Variants in SEMA6A observed in about 807,000 individuals in gnomAD.
SEMA6A encodes the protein semaphorin 6A.
In SEMA6A, 25 loss-of-function variants were observed where a neutral mutation model predicts 96.8. The observed-to-expected ratio is 0.26, with a 90% CI of 0.19 to 0.36. The LOEUF (loss-of-function observed/expected upper bound fraction) is 0.36. Among genes scored for constraint, SEMA6A ranks in the 10% least tolerant of loss-of-function variants. SEMA6A has a pLI of 1.00. For missense variants in SEMA6A, 1,363 were observed against 1,323.1 expected (o/e 1.03, Z -0.47); for synonymous variants, 612 against 518.0 (o/e 1.18, Z -2.46).
intron 12 of SEMA6A, among the ~76,000 whole-genome samples, chr5:116,479,521 G>A (rs1756643088): frequency 6.6e-6 from 1 of 152,190 alleles, no homozygotes; most frequent in Non-Finnish European, 1.5e-5. Context: ...TTTGTTTGAT[G>A]GCTACCACAG....
intron 18 of SEMA6A, among the ~76,000 whole-genome samples, chr5:116,455,253 C>T (rs1453817772): frequency 1.3e-5 from 2 of 152,136 alleles, no homozygotes; most frequent in Admixed American, 6.5e-5. Flanking sequence ...AGCCAGAGCA[C>T]GGGCTGATGT....
intron 7 of SEMA6A, among the ~76,000 whole-genome samples, chr5:116,490,307 A>G (rs1757268988): frequency 6.6e-6 from 1 of 152,170 alleles, no homozygotes; most frequent in African/African-American, 2.4e-5. Context: ...GACATTCTTT[A>G]TATAAGACTA....
chr5:116,570,411 C>T (rs1580529809), intron 1 of SEMA6A, among the ~76,000 whole-genome samples: 1 of 152,172 alleles, frequency 6.6e-6, no homozygotes, highest in Admixed American at 6.5e-5. Context: ...TCAACATGCA[C>T]AAATGTGGCT....
At chr5:116,563,013 AACAAG>A (rs1361018538) in intron 1 of SEMA6A, 9 of 537,096 alleles carry the variant, frequency 1.7e-5, no homozygotes, top group Non-Finnish European at 3.2e-5. Context: ...GCCATCTGTG[AACAAG>A]ACAAGACTCC....
At chr5:116,449,103 CAGA>C (rs1396732476) in intron 18 of SEMA6A, among the ~76,000 whole-genome samples, 1 of 152,222 alleles carries the variant, frequency 6.6e-6, no homozygotes, top group Admixed American at 6.5e-5. Context: ...AATGCAAACA[CAGA>C]AGCTTTTATT....
Position 116,508,838 on chromosome 5 carries a change from C to T in SEMA6A, c.-38-3856G>A, listed in dbSNP as rs1161783439. ...GGAGGCCTTCCTTACCCATTAACCT[C>T]ACCTGCCTGCCCTTGAAGGTTCTGA... On this transcript the variant is annotated intron_variant, in intron 1 of 18. Coordinates refer to ENST00000343348, the MANE Select transcript of SEMA6A (RefSeq NM_020796.5). 2.6e-5 allele frequency among the ~76,000 whole-genome samples: 4 copies of T among 152,176 alleles called. No homozygotes were observed. The East Asian group carries it at 7.7e-4, about 29-fold the overall frequency.
intron 1 of SEMA6A, among the ~76,000 whole-genome samples, chr5:116,513,835 T>G (rs11748005): frequency 0.025 from 3,748 of 152,210 alleles, 61 homozygotes; most frequent in Middle Eastern, 0.041. Flanking sequence ...GTGTGTCCAT[T>G]TGTTCTCATC....
Position 116,478,598 on chromosome 5 carries a change from A to G in SEMA6A, c.1371T>C (p.Ser457=), listed in dbSNP as rs1174141174. 1.2e-6 allele frequency: 2 copies of G among 1,613,366 alleles called. No homozygotes were observed. Among genetic ancestry groups the G allele is most frequent in the Admixed American group, 3.3e-5 (2 of 59,926 alleles). The change falls in exon 13 of 19, where the codon AGT becomes AGC. Residue 457 remains serine (S), a synonymous_variant. Coordinates refer to ENST00000343348, the MANE Select transcript of SEMA6A (RefSeq NM_020796.5). ...GGAAAAGGCTGTCATTTAGAAAACC[A>G]CTATTTCCTATTCTGGCCAAAAACT... The part of the protein sequence containing the change: ...ILKFLARIGN[S]GFLNDSLFLE...
At position 116,488,820 on chromosome 5, in the gene SEMA6A, C is replaced by G. The variant is rs1757188661; in HGVS notation, c.655+68G>C. The G allele has an allele frequency of 3.4e-6, 5 of 1,474,192 alleles. No homozygotes were observed. In the African/African-American group the frequency reaches 5.6e-5, roughly 17 times the overall value. The allele number at this position is 1,474,192 out of a possible 1,614,324, so 91.3% of individuals were successfully genotyped here. A position where few individuals can be genotyped will look rare whatever the true frequency, so the allele number is the denominator to read the frequency against. On this transcript the variant is annotated intron_variant, in intron 8 of 18. Transcript: ENST00000343348. ...GAAGATACAGTCTGGTCCCTCCAGA[C>G]TCTAAATCTCCCACAAGATGTGTAT...
intron 16 of SEMA6A, among the ~76,000 whole-genome samples, chr5:116,474,148 G>A (rs1196247939): frequency 1.3e-5 from 2 of 149,704 alleles, no homozygotes; most frequent in Non-Finnish European, 3.0e-5. Flanking sequence ...CATGTTTCAC[G>A]TATTTTCTGA....
Position 116,478,172 on chromosome 5 carries a change from G to A in SEMA6A, c.1428-18C>T. On this transcript the variant is annotated intron_variant, in intron 13 of 18. Transcript: ENST00000343348. Reference sequence around the variant, plus strand: ...AGCTGCATCTAATTTCATCAGGCAAGATAATATCATTAATAGACTCTTCTC... The same window carrying A: ...AGCTGCATCTAATTTCATCAGGCAAAATAATATCATTAATAGACTCTTCTC... 6.2e-7 allele frequency: 1 copy of A among 1,613,214 alleles called. No homozygotes were observed. The highest frequency in any genetic ancestry group is 8.5e-7 in the Non-Finnish European group (1 of 1,179,536).
At chr5:116,510,450 G>GC (rs1758354219) in intron 1 of SEMA6A, among the ~76,000 whole-genome samples, 1 of 152,082 alleles carries the variant, frequency 6.6e-6, no homozygotes. Context: ...GAAACCCTCT[G>GC]CCCCCTTACT....
chr5:116,525,293 T>C (rs1326071613), intron 1 of SEMA6A, among the ~76,000 whole-genome samples: 5 of 152,164 alleles, frequency 3.3e-5, no homozygotes, highest in Non-Finnish European at 7.4e-5. Flanking sequence ...TTAATCTGTG[T>C]AAGGCTCAGG....
At chr5:116,542,107 T>C (rs1353859851) in intron 1 of SEMA6A, among the ~76,000 whole-genome samples, 1 of 152,194 alleles carries the variant, frequency 6.6e-6, no homozygotes, top group Non-Finnish European at 1.5e-5. Context: ...TTGTATGCCC[T>C]CTTCATTTGA....
chr5:116,464,636 G>T, intron 18 of SEMA6A, among the ~76,000 whole-genome samples: 1 of 152,274 alleles, frequency 6.6e-6, no homozygotes, highest in Middle Eastern at 3.4e-3. Flanking sequence ...ATTTTGAAAG[G>T]GGGAGGCTAA....
chr5:116,573,320 A>T (rs1200412980), intron 1 of SEMA6A, among the ~76,000 whole-genome samples: 15 of 151,854 alleles, frequency 9.9e-5, no homozygotes, highest in Admixed American at 5.9e-4. Flanking sequence ...TCATCTTTCC[A>T]GAGCGAGACC....
chr5:116,511,685 C>T (rs1238989754), intron 1 of SEMA6A, among the ~76,000 whole-genome samples: 1 of 152,216 alleles, frequency 6.6e-6, no homozygotes, highest in African/African-American at 2.4e-5. Context: ...TGCAAAGCCT[C>T]ATTCCACTTT....
At chr5:116,499,032 GT>G (rs2112757843) in intron 3 of SEMA6A, 1 of 152,322 alleles carries the variant, frequency 6.6e-6, no homozygotes. Context: ...ATTGAAAGGG[GT>G]TCTTGCCACC....
chr5:116,559,726 A>G (rs1247252709), intron 1 of SEMA6A, among the ~76,000 whole-genome samples: 2 of 152,088 alleles, frequency 1.3e-5, no homozygotes, highest in African/African-American at 2.4e-5. Flanking sequence ...CAATGCCACA[A>G]CCATCCACTC....
Sources: gnomAD v4.1 joint callset for allele counts (sites outside exome capture counted in the v4.1 genomes callset) on GRCh38, gnomAD v4.1.1 for gene constraint, MANE v1.5 for transcripts, NCBI Gene and HGNC (gene_info 2026-07-23, HGNC 2026-07-21) for gene names.